Variants in MLIP observed in about 807,000 individuals in gnomAD.
The protein encoded by MLIP is muscular LMNA-interacting protein.
MLIP carries 79 observed loss-of-function variants against 84.8 expected under a neutral mutation model. The ratio of observed to expected loss-of-function variants is 0.93; its 90% CI spans 0.78 to 1.12. The LOEUF (loss-of-function observed/expected upper bound fraction) is 1.12, where lower values mean the gene tolerates loss of function less well. Ranked by LOEUF, MLIP falls within the 50% of genes most tolerant of loss-of-function variation. The pLI is 0.00. For missense variants in MLIP, 1,257 were observed against 1,160.6 expected (o/e 1.08, Z -1.21); for synonymous variants, 504 against 463.0 (o/e 1.09, Z -1.14).
Position 54,137,292 on chromosome 6 carries a change from C to A in MLIP, c.1223C>A (p.Ser408Tyr). 6.5e-7 allele frequency: 1 copy of A among 1,536,050 alleles called. No individual in the cohort carries two copies. Reference sequence around the variant, plus strand: ...AATCTTTCAAAGTCAGGGGTAAAATCCCCGGTGCCTTCCCGGCTTGCCCTT... The same window carrying A: ...AATCTTTCAAAGTCAGGGGTAAAATACCCGGTGCCTTCCCGGCTTGCCCTT... The part of the protein sequence containing the change: ...SGNLSKSGVK[S>Y]PVPSRLALLT... The change falls in exon 4 of 14, where the codon TCC (serine) becomes TAC (tyrosine). Residue 408 changes from serine to tyrosine, a missense_variant. Physicochemically the swap from Ser to Tyr is moderately radical, Grantham distance 144. Coordinates refer to ENST00000502396, the MANE Select transcript of MLIP (RefSeq NM_001281747.2).
chr6:54,118,991 T>C (rs1215832002), intron 1 of MLIP, among the ~76,000 whole-genome samples: 1 of 152,130 alleles, frequency 6.6e-6, no homozygotes, highest in Non-Finnish European at 1.5e-5. Flanking sequence ...ATGAAAACAG[T>C]GAGATATTAC....
chr6:54,099,643 A>G (rs1768494887), intron 1 of MLIP: 1 of 152,200 alleles, frequency 6.6e-6, no homozygotes, highest in Non-Finnish European at 1.5e-5. Context: ...TGTGCTTTCA[A>G]AAGACTGAGA....
chr6:54,148,931 T>C, intron 4 of MLIP, 125 bp from the exon 5 acceptor site: 1 of 685,086 alleles, frequency 1.5e-6, no homozygotes, highest in Non-Finnish European at 2.5e-6. Flanking sequence ...AAACAAGTTG[T>C]TCAGCATAAT....
intron 8 of MLIP, among the ~76,000 whole-genome samples, chr6:54,162,813 T>C (rs1244728291): frequency 6.6e-6 from 1 of 151,904 alleles, no homozygotes; most frequent in African/African-American, 2.4e-5. Flanking sequence ...TCAGAGATAT[T>C]TGAGGGTCAT....
At chr6:54,030,947 T>C (rs1053986669) in intron 1 of MLIP, among the ~76,000 whole-genome samples, 1 of 152,176 alleles carries the variant, frequency 6.6e-6, no homozygotes, top group Non-Finnish European at 1.5e-5. Flanking sequence ...TACTAATCTA[T>C]GATAACATGA....
chr6:54,229,184 T>A (rs1156706224), intron 11 of MLIP, among the ~76,000 whole-genome samples: 1 of 152,144 alleles, frequency 6.6e-6, no homozygotes, highest in Admixed American at 6.5e-5. Flanking sequence ...TCTAAGAGAA[T>A]CAAGTGAACG....
At chr6:54,115,932 A>G (rs372946573) in intron 1 of MLIP, among the ~76,000 whole-genome samples, 1 of 152,230 alleles carries the variant, frequency 6.6e-6, no homozygotes, top group African/African-American at 2.4e-5. Context: ...TGAAGGGAGT[A>G]TTTTGAAAAT....
intron 12 of MLIP, 77 bp from the exon 13 acceptor site, chr6:54,257,231 T>A: frequency 1.0e-6 from 1 of 985,938 alleles, no homozygotes; most frequent in Non-Finnish European, 1.6e-6. Context: ...ATTGTCAATC[T>A]GTTTAAATGA....
intron 1 of MLIP, chr6:54,046,168 CAA>C (rs1765039036): frequency 6.6e-6 from 1 of 151,982 alleles, no homozygotes; most frequent in Non-Finnish European, 1.5e-5. Flanking sequence ...TCTTTTCCCC[CAA>C]GAGTCCATTA....
chr6:54,172,801 A>G (rs1440134829), intron 9 of MLIP, among the ~76,000 whole-genome samples: 1 of 151,682 alleles, frequency 6.6e-6, no homozygotes, highest in Non-Finnish European at 1.5e-5. Flanking sequence ...CATTTCATAC[A>G]GTCTGTTTTT....
chr6:54,076,450 G>A (rs779374559), intron 1 of MLIP, among the ~76,000 whole-genome samples: 1 of 152,174 alleles, frequency 6.6e-6, no homozygotes, highest in Non-Finnish European at 1.5e-5. Flanking sequence ...TATTGCAAAA[G>A]ACTCTGGACC....
chr6:54,170,708 T>C (rs753805646), intron 9 of MLIP, among the ~76,000 whole-genome samples: 2 of 151,610 alleles, frequency 1.3e-5, no homozygotes, highest in Non-Finnish European at 3.0e-5. Context: ...AATTTTCTTA[T>C]GTAAGATTTG....
At chr6:54,184,904 A>G (rs576442594) in intron 9 of MLIP, among the ~76,000 whole-genome samples, 6 of 152,300 alleles carry the variant, frequency 3.9e-5, no homozygotes, top group Non-Finnish European at 8.8e-5. Context: ...CTCATCTCAA[A>G]TGTTACTCTT....
rs144121856 is a variant in MLIP, at chr6:54,098,430, G to A, written c.64-23017G>A. ...GATCCTCCTGACTCAGCTTCCCAAA[G>A]TGCTGGGATTACAGGAGTGAGCCAC... On this transcript the variant is annotated intron_variant, in intron 1 of 12. Coordinates refer to the MLIP transcript ENST00000274897. Among the ~76,000 whole-genome samples the A allele has an allele frequency of 8.6e-3, 1,238 of 144,654 alleles. 19 individuals carry two copies. Among genetic ancestry groups the A allele is most frequent in the African/African-American group, 0.03 (1,149 of 38,894 alleles). 94.9% of individuals were successfully genotyped at this position (144,654 alleles called of 152,430 possible).
rs1303462932 is a variant in MLIP, at chr6:54,133,031, C to T, written c.646-3684C>T. Among the ~76,000 whole-genome samples, 4 of 152,034 alleles carry T rather than the reference C, an allele frequency of 2.6e-5. No individual in the cohort carries two copies. In the South Asian group the frequency reaches 6.2e-4, roughly 24 times the overall value. ...GCAAGAGAGGATTGGCAAGAAACCA[C>T]AATAGCTAGAATGTTGGCAATGCTG... is the stretch of plus-strand genomic sequence containing the variant. On this transcript the variant is annotated intron_variant, in intron 3 of 13. Coordinates refer to ENST00000502396, the MANE Select transcript of MLIP (RefSeq NM_001281747.2).
intron 1 of MLIP, among the ~76,000 whole-genome samples, chr6:54,083,806 G>C (rs1479033239): frequency 6.6e-6 from 1 of 152,114 alleles, no homozygotes; most frequent in East Asian, 1.9e-4. Context: ...TAATTAGCAT[G>C]CTCAACTTTA....
intron 1 of MLIP, among the ~76,000 whole-genome samples, chr6:54,104,939 A>G (rs913066514): frequency 6.6e-6 from 1 of 152,184 alleles, no homozygotes. Context: ...AATATAGGAT[A>G]TGGAATATAC....
At chr6:54,110,531 G>A (rs1769374650), upstream of MLIP, among the ~76,000 whole-genome samples, 1 of 152,128 alleles carries the variant, frequency 6.6e-6, no homozygotes, top group Admixed American at 6.5e-5. Flanking sequence ...TGTGCTAATA[G>A]AATCACTTAT....
At chr6:54,116,827 T>C (rs1769964697) in intron 1 of MLIP, among the ~76,000 whole-genome samples, 1 of 152,134 alleles carries the variant, frequency 6.6e-6, no homozygotes, top group South Asian at 2.1e-4. Flanking sequence ...GTGATGAACA[T>C]ATATGCAAAA....
Sources: gnomAD v4.1 joint callset for allele counts (sites outside exome capture counted in the v4.1 genomes callset) on GRCh38, gnomAD v4.1.1 for gene constraint, MANE v1.5 for transcripts, NCBI Gene and HGNC (gene_info 2026-07-23, HGNC 2026-07-21) for gene names.